Variants in HPCAL4 observed in about 807,000 individuals in gnomAD.
HPCAL4 encodes hippocalcin-like protein 4.
A neutral mutation model predicts 18.2 loss-of-function variants in HPCAL4; 16 were observed. The ratio of observed to expected loss-of-function variants is 0.88; its 90% confidence interval spans 0.59 to 1.33. The LOEUF (loss-of-function observed/expected upper bound fraction) is 1.33. Ranked by LOEUF, HPCAL4 falls within the 40% of genes most tolerant of loss-of-function variation. The pLI, the probability that HPCAL4 is intolerant of heterozygous loss-of-function variation, is 0.00. For synonymous variants in HPCAL4, 80 were observed against 97.5 expected (o/e 0.82, Z 1.06); for missense variants, 214 against 256.6 (o/e 0.83, Z 1.14).
In HPCAL4 at chr1:39,682,287, A is replaced by G. The variant is rs1232577089; in HGVS notation, c.*249T>C. On this transcript the variant is annotated 3_prime_UTR_variant, in exon 4 of 4. Transcript: ENST00000372844. ...GCAAAAGCCAACTCCCCTATGCCCA[A>G]TGGACATTGGTTCTGGCCAAGTGGG... The G allele has an allele frequency of 5.3e-5, 28 of 524,480 alleles. No homozygotes were observed. Among genetic ancestry groups the G allele is most frequent in the Non-Finnish European group, 6.6e-5 (19 of 289,592 alleles). 32.5% of individuals were successfully genotyped at this position (524,480 alleles called of 1,614,324 possible). A position where few individuals can be genotyped will look rare whatever the true frequency, so the allele number is the denominator to read the frequency against.
At chr1:39,687,116 C>T (rs1242431191) in intron 1 of HPCAL4, among the ~76,000 whole-genome samples, 4 of 152,184 alleles carry the variant, frequency 2.6e-5, no homozygotes, top group Non-Finnish European at 5.9e-5. Flanking sequence ...ATAAGGAAGA[C>T]CAAGGAGCAG....
chr1:39,683,630 G>A (rs531139152), intron 3 of HPCAL4, among the ~76,000 whole-genome samples: 2 of 152,308 alleles, frequency 1.3e-5, no homozygotes, highest in East Asian at 1.9e-4. Flanking sequence ...ACTGGCAGGC[G>A]CTCAATCCCT....
At chr1:39,685,540 C>T (rs1044181117) in intron 1 of HPCAL4, among the ~76,000 whole-genome samples, 1 of 152,070 alleles carries the variant, frequency 6.6e-6, no homozygotes, top group Non-Finnish European at 1.5e-5. Flanking sequence ...TTGAGACCAG[C>T]CTAGGCAATA....
rs984905917 is a variant in HPCAL4, at chr1:39,682,148, A to G, written c.*388T>C. On this transcript the variant is annotated 3_prime_UTR_variant, in exon 4 of 4. Coordinates refer to ENST00000372844, the MANE Select transcript of HPCAL4 (RefSeq NM_016257.4). ...TGGAGCCTCAGGAATGGACAGACCC[A>G]ATTTGGCCCTGTGACAGGCCTGTGG... is the stretch of plus-strand genomic sequence containing the variant. 1 of 237,060 alleles carries G rather than the reference A, an allele frequency of 4.2e-6. No homozygotes were observed. Among genetic ancestry groups the G allele is most frequent in the Admixed American group, 5.1e-5 (1 of 19,794 alleles). 14.7% of individuals were successfully genotyped at this position (237,060 alleles called of 1,614,324 possible).
chr1:39,682,368 G>C lies in HPCAL4; in HGVS notation c.*168C>G. 1 of 621,808 alleles carries C rather than the reference G, an allele frequency of 1.6e-6. No homozygotes were observed. The highest frequency in any genetic ancestry group is 2.8e-6 in the Non-Finnish European group (1 of 352,350). 38.5% of individuals were successfully genotyped at this position (621,808 alleles called of 1,614,324 possible). On this transcript the variant is annotated 3_prime_UTR_variant, in exon 4 of 4. Transcript: ENST00000372844. ...ACCTGTCTCTTTTGCAGGGTGAGGT[G>C]GTCCCTCAAAGATCTTGATGGAGGG...
intron 1 of HPCAL4, among the ~76,000 whole-genome samples, chr1:39,688,305 T>C (rs1461767772): frequency 6.6e-6 from 1 of 152,200 alleles, no homozygotes; most frequent in Non-Finnish European, 1.5e-5. Context: ...CAACCAGAGA[T>C]GGTCAGACTG....
intron 1 of HPCAL4, among the ~76,000 whole-genome samples, chr1:39,689,613 T>C (rs1261672637): frequency 6.6e-6 from 1 of 152,212 alleles, no homozygotes; most frequent in East Asian, 1.9e-4. Flanking sequence ...GCTCCTCTGC[T>C]TACCTCTTGA....
In HPCAL4 at chr1:39,684,552, G is replaced by A; in HGVS notation, c.52C>T (p.Gln18Ter). The change falls in exon 2 of 4, where the codon CAG becomes TAG. Residue 18 changes from glutamine (Q) to a stop codon, truncating the protein, a stop_gained. Coordinates refer to ENST00000372844, the MANE Select transcript of HPCAL4 (RefSeq NM_016257.4). LOFTEE classifies it high-confidence loss of function. Reference protein sequence around the residue: ...LAPEVLEDLVQNTEFSEQELK... With the variant: ...LAPEVLEDLV ...TCCTGCTCGCTGAACTCAGTGTTCT[G>A]AACAAGGTCCTCCAGCACCTCGGGG... 3 of 1,612,922 alleles carry A rather than the reference G, an allele frequency of 1.9e-6. No homozygotes were observed. The highest frequency in any genetic ancestry group is 2.5e-6 in the Non-Finnish European group (3 of 1,179,420).
chr1:39,685,579 T>C (rs1361120997), intron 1 of HPCAL4, among the ~76,000 whole-genome samples: 1 of 152,172 alleles, frequency 6.6e-6, no homozygotes, highest in East Asian at 1.9e-4. Flanking sequence ...ACAAAAAATT[T>C]AAAAATTTGG....
chr1:39,684,693 C>G (rs1322274042), intron 1 of HPCAL4, 82 bp from the exon 2 acceptor site: 1 of 1,288,086 alleles, frequency 7.8e-7, no homozygotes, highest in East Asian at 2.6e-5. Context: ...CTGCCACACA[C>G]AGGGCGGGGT....
chr1:39,691,363 G>A lies in HPCAL4; in HGVS notation c.-66C>T, dbSNP rs1409010562. On this transcript the variant is annotated 5_prime_UTR_variant, in exon 1 of 4. Transcript: ENST00000372844. ...CGAGCCTCGGCGGGCCGCGGGAACC[G>A]AGGCTGGCTCGCGGGCCGGCAGCTG... 1 of 152,282 alleles carries A rather than the reference G, an allele frequency of 6.6e-6. No homozygotes were observed. The highest frequency in any genetic ancestry group is 1.5e-5 in the Non-Finnish European group (1 of 68,070). The allele number at this position is 152,282 out of a possible 1,614,324, so 9.4% of individuals were successfully genotyped here.
Position 39,682,712 on chromosome 1 carries a change from T to C in HPCAL4, c.400A>G (p.Thr134Ala). The C allele has an allele frequency of 6.2e-7, 1 of 1,614,142 alleles. No homozygotes were observed. The highest frequency in any genetic ancestry group is 8.5e-7 in the Non-Finnish European group (1 of 1,180,026). Residue 134 changes from threonine to alanine, a missense_variant, in exon 4 of 4, where the codon ACC (threonine) becomes GCC (alanine). Physicochemically the swap from Thr to Ala is moderately conservative, Grantham distance 58. Transcript: ENST00000372844. ...TGGTTCATGCGCATCATGATCACGG[T>C]GCCCACCATCTTGTAGATTGCCTGG... is the stretch of plus-strand genomic sequence containing the variant. ...IIEAIYKMVGTVIMMRMNQDG... is the reference protein window; with the variant it reads ...IIEAIYKMVGAVIMMRMNQDG...
Position 39,684,617 on chromosome 1 carries a change from G to T in HPCAL4, c.-8-6C>A, listed in dbSNP as rs908314310. The T allele has an allele frequency of 2.5e-6, 4 of 1,571,302 alleles. No homozygotes were observed. In the East Asian group the frequency reaches 9.1e-5, roughly 36 times the overall value. On this transcript the variant is annotated splice_region_variant and splice_polypyrimidine_tract_variant and intron_variant, in intron 1 of 3. Transcript: ENST00000372844. The stretch of plus-strand genomic sequence containing the variant: ...GGTCTTCCCCATGGCGGGGCCTGTG[G>T]GACAGAGGGATTCCTCCGACTGGGT...
intron 3 of HPCAL4, among the ~76,000 whole-genome samples, chr1:39,683,370 AG>A (rs1355936632): frequency 6.6e-6 from 1 of 152,122 alleles, no homozygotes; most frequent in East Asian, 1.9e-4. Context: ...CTGCAGAGAA[AG>A]GCCGACCTGC....
Position 39,684,471 on chromosome 1 carries a change from G to A in HPCAL4, c.133C>T (p.Leu45=). Residue 45 remains leucine, a synonymous_variant, in exon 2 of 4, where the codon CTG becomes TTG. Coordinates refer to ENST00000372844, the MANE Select transcript of HPCAL4 (RefSeq NM_016257.4). ...ATGTAGAGCTGCTGAAACTCCTCCA[G>A]GTTGAGGATGCCGCTGGGGCAGTCC... ...LKDCPSGILN[L]EEFQQLYIKF... is the part of the protein sequence containing the mutation. 1.2e-6 allele frequency: 2 copies of A among 1,611,388 alleles called. No individual in the cohort carries two copies. Among genetic ancestry groups the A allele is most frequent in the South Asian group, 1.1e-5 (1 of 90,664 alleles).
At position 39,683,904 on chromosome 1, in the gene HPCAL4, C is replaced by T. The variant is rs199500742; in HGVS notation, c.378+33G>A. 1,205 of 1,591,712 alleles carry T rather than the reference C, an allele frequency of 7.6e-4. 13 individuals carry two copies. The Admixed American group carries it at 0.019, about 25-fold the overall frequency. The stretch of plus-strand genomic sequence containing the variant: ...GGGGCGGGGATGGCGAAGCGCTGGC[C>T]TCGGGAACAGCAGCGCCCGCGCGGC... On this transcript the variant is annotated intron_variant, in intron 3 of 3. Transcript: ENST00000372844.
In HPCAL4 at chr1:39,681,503, G is replaced by C. The variant is rs1646626131; in HGVS notation, c.*1033C>G. ...GAAAGTTGCTTGTTGAATTGAAAAAGGTAATAAAAAGGAAGAGCTGAAGCA... is the reference window on the plus strand; with the variant it reads ...GAAAGTTGCTTGTTGAATTGAAAAACGTAATAAAAAGGAAGAGCTGAAGCA... On this transcript the variant is annotated 3_prime_UTR_variant, in exon 4 of 4. Coordinates refer to ENST00000372844, the MANE Select transcript of HPCAL4 (RefSeq NM_016257.4). The C allele has an allele frequency of 6.6e-6, 1 of 152,176 alleles. No individual in the cohort carries two copies. The highest frequency in any genetic ancestry group is 1.5e-5 in the Non-Finnish European group (1 of 68,036). 9.4% of individuals were successfully genotyped at this position (152,176 alleles called of 1,614,324 possible).
intron 1 of HPCAL4, among the ~76,000 whole-genome samples, chr1:39,685,723 C>G (rs967353200): frequency 4.6e-5 from 7 of 151,590 alleles, no homozygotes; most frequent in Admixed American, 4.6e-4. Context: ...ACTACAAATA[C>G]AAAAAAATTA....
At chr1:39,687,673 C>T (rs1482993753) in intron 1 of HPCAL4, among the ~76,000 whole-genome samples, 1 of 152,144 alleles carries the variant, frequency 6.6e-6, no homozygotes, top group Non-Finnish European at 1.5e-5. Flanking sequence ...TTTATTTCTC[C>T]TCATTCCCTC....
Sources: allele counts gnomAD v4.1 joint callset (sites outside exome capture counted in the v4.1 genomes callset), GRCh38; gene constraint gnomAD v4.1.1; transcripts MANE v1.5; gene names NCBI Gene and HGNC (gene_info 2026-07-23, HGNC 2026-07-21).